The following IRF2BP1 variants were observed in gnomAD, a reference collection of about 807,000 sequenced individuals.
IRF2BP1 encodes interferon regulatory factor 2-binding protein 1.
In IRF2BP1, 9 loss-of-function variants were observed where a neutral mutation model predicts 38.6. The observed-to-expected ratio is 0.23, with a 90% CI of 0.14 to 0.41. The LOEUF is 0.41. Among genes scored for constraint, IRF2BP1 ranks in the 10% least tolerant of loss-of-function variants. The pLI is 1.00. For synonymous variants in IRF2BP1, 416 were observed against 383.4 expected, an observed-to-expected ratio of 1.08 and a Z score of -0.99; for missense variants, 631 against 829.6, an observed-to-expected ratio of 0.76 and a Z score of 2.94.
In IRF2BP1 at chr19:45,884,773, A is replaced by C; in HGVS notation, c.1002T>G (p.Leu334=). Residue 334 remains leucine (L), a synonymous_variant, in exon 1 of 1, where the codon CTT becomes CTG. Transcript: ENST00000302165. ...CGCGGAAGCTGCGGACGCCGTCGGT[A>C]AGCAGCTCGCCCAGCTGCCGCCATT... ...SGEWRQLGEL[L]TDGVRSFREP... 6.2e-7 allele frequency: 1 copy of C among 1,612,298 alleles called. No homozygotes were observed. The highest frequency in any genetic ancestry group is 1.1e-5 in the South Asian group (1 of 91,080).
At position 45,884,975 on chromosome 19, in the gene IRF2BP1, C is replaced by G; in HGVS notation, c.800G>C (p.Gly267Ala). ...GAAGAGCTTCAGCTCGAACTCGTATCCTGGAGGACGGGCAGTAGCATCGAA... is the reference window on the plus strand; with the variant it reads ...GAAGAGCTTCAGCTCGAACTCGTATGCTGGAGGACGGGCAGTAGCATCGAA... ...FAFDATARPPGYEFELKLFTE... is the reference protein window; with the variant it reads ...FAFDATARPPAYEFELKLFTE... The change falls in exon 1 of 1, where the codon GGA becomes GCA. Residue 267 changes from glycine to alanine, a missense_variant. Gly to Ala is a moderately conservative substitution (Grantham distance 60). Transcript: ENST00000302165. 1 of 1,613,506 alleles carries G rather than the reference C, an allele frequency of 6.2e-7. No individual in the cohort carries two copies. Among genetic ancestry groups the G allele is most frequent in the Non-Finnish European group, 8.5e-7 (1 of 1,180,052 alleles).
chr19:45,883,763 C>A lies in IRF2BP1; in HGVS notation c.*257G>T, dbSNP rs1967018421. ...GGGGCACCTCTCCCCCAACTACAAGCAGCAGCAAAGCCAAGCCAAGGAGGA... is the reference window on the plus strand; with the variant it reads ...GGGGCACCTCTCCCCCAACTACAAGAAGCAGCAAAGCCAAGCCAAGGAGGA... On this transcript the variant is annotated 3_prime_UTR_variant, in exon 1 of 1. Transcript: ENST00000302165. The A allele has an allele frequency of 2.5e-6, 1 of 393,876 alleles. No homozygotes were observed. The highest frequency in any genetic ancestry group is 4.5e-6 in the Non-Finnish European group (1 of 220,240). The allele number at this position is 393,876 out of a possible 1,614,324, so 24.4% of individuals were successfully genotyped here. A position where few individuals can be genotyped will look rare whatever the true frequency, so the allele number is the denominator to read the frequency against.
rs1233253484 is a variant in IRF2BP1 at position 45,885,327 on chromosome 19, C to T, written c.448G>A (p.Ala150Thr). The T allele has an allele frequency of 6.2e-7, 1 of 1,606,544 alleles. No individual in the cohort carries two copies. Among genetic ancestry groups the T allele is most frequent in the Non-Finnish European group, 8.5e-7 (1 of 1,179,776 alleles). ...LGREEAVAEG[A>T]RRALLGSMPG... Reference sequence around the variant, plus strand: ...ATGGAGCCAAGCAAGGCCCTTCGCGCCCCCTCAGCCACGGCCTCCTCACGG... The same window carrying T: ...ATGGAGCCAAGCAAGGCCCTTCGCGTCCCCTCAGCCACGGCCTCCTCACGG... The change falls in exon 1 of 1, where the codon GCG (alanine) becomes ACG (threonine). Residue 150 changes from alanine to threonine, a missense_variant. Physicochemically the swap from Ala to Thr is moderately conservative, Grantham distance 58. This residue lies in a region of IRF2BP1 where 206 missense variants were observed against 207.0 expected (regional missense o/e 1.00). Coordinates refer to ENST00000302165, the MANE Select transcript of IRF2BP1 (RefSeq NM_015649.3).
At position 45,885,894 on chromosome 19, in the gene IRF2BP1, C is replaced by G; in HGVS notation, c.-120G>C. On this transcript the variant is annotated 5_prime_UTR_variant, in exon 1 of 1. Transcript: ENST00000302165. ...GCGAGCCACGGTCCGGCCTCCGGCTCGGCCTCCCCGCCGGATCCAGGCCCG... is the reference window on the plus strand; with the variant it reads ...GCGAGCCACGGTCCGGCCTCCGGCTGGGCCTCCCCGCCGGATCCAGGCCCG... The G allele has an allele frequency of 8.3e-7, 1 of 1,201,100 alleles. No homozygotes were observed. The highest frequency in any genetic ancestry group is 1.9e-5 in the South Asian group (1 of 53,564). 74.4% of individuals were successfully genotyped at this position (1,201,100 alleles called of 1,614,324 possible). A position where few individuals can be genotyped will look rare whatever the true frequency, so the allele number is the denominator to read the frequency against.
Position 45,885,175 on chromosome 19 carries a change from C to A in IRF2BP1, c.600G>T (p.Lys200Asn), listed in dbSNP as rs1267351537. Residue 200 changes from lysine to asparagine, a missense_variant, in exon 1 of 1, where the codon AAG becomes AAT. This residue lies in a region of IRF2BP1 where 133 missense variants were observed against 232.2 expected (regional missense o/e 0.57). Coordinates refer to ENST00000302165, the MANE Select transcript of IRF2BP1 (RefSeq NM_015649.3). ...PLFGSDFEKE[K>N]QQRNADCLAE... ...CCAGACAGTCCGCATTCCTCTGCTG[C>A]TTCTCTTTCTCGAAATCGGAGCCGA... is the stretch of plus-strand genomic sequence containing the variant. 4.3e-6 allele frequency: 7 copies of A among 1,609,848 alleles called. No individual in the cohort carries two copies. Among genetic ancestry groups the A allele is most frequent in the Non-Finnish European group, 5.9e-6 (7 of 1,180,042 alleles).
rs1967041143 is a variant in IRF2BP1 at position 45,885,363 on chromosome 19, T to C, written c.412A>G (p.Asn138Asp). The change falls in exon 1 of 1, where the codon AAT (asparagine) becomes GAT (aspartate). Residue 138 changes from asparagine (N) to aspartate (D), a missense_variant. Asn to Asp is a conservative substitution (Grantham distance 23, BLOSUM62 1). Coordinates refer to ENST00000302165, the MANE Select transcript of IRF2BP1 (RefSeq NM_015649.3). ...LEYTLGSRLA[N>D]GLGREEAVAE... ...ACGGCCTCCTCACGGCCCAGCCCATTGGCCAGGCGGGACCCCAGAGTGTAC... is the reference window on the plus strand; with the variant it reads ...ACGGCCTCCTCACGGCCCAGCCCATCGGCCAGGCGGGACCCCAGAGTGTAC... 6.2e-7 allele frequency: 1 copy of C among 1,608,926 alleles called. No homozygotes were observed. The highest frequency in any genetic ancestry group is 8.5e-7 in the Non-Finnish European group (1 of 1,179,518).
chr19:45,884,379 G>A lies in IRF2BP1; in HGVS notation c.1396C>T (p.His466Tyr). ...TCGCCGTTGCGGGCCACAAGGCGAT[G>A]CTGGGTTGGCGGCTGGGCCGTGGAG... ...ASSTAQPPTQ[H>Y]RLVARNGEAE... The change falls in exon 1 of 1, where the codon CAT (histidine) becomes TAT (tyrosine). Residue 466 changes from histidine to tyrosine, a missense_variant. Physicochemically the swap from His to Tyr is moderately conservative, Grantham distance 83. Transcript: ENST00000302165. 1.2e-6 allele frequency: 2 copies of A among 1,606,138 alleles called. No homozygotes were observed. The highest frequency in any genetic ancestry group is 1.7e-6 in the Non-Finnish European group (2 of 1,178,864).
chr19:45,884,693 G>A lies in IRF2BP1; in HGVS notation c.1082C>T (p.Ala361Val), dbSNP rs763589598. 8 of 1,606,240 alleles carry A rather than the reference G, an allele frequency of 5.0e-6. No individual in the cohort carries two copies. The African/African-American group carries it at 9.4e-5, about 19-fold the overall frequency. The change falls in exon 1 of 1, where the codon GCT becomes GTT. Residue 361 changes from alanine to valine, a missense_variant. Ala to Val is a moderately conservative substitution (Grantham distance 64). Coordinates refer to ENST00000302165, the MANE Select transcript of IRF2BP1 (RefSeq NM_015649.3). ...PQQYPEPAPA[A>V]LCGPPPRAPS... ...GGCTCGCGGGGGTGGGCCACAGAGA[G>A]CCGCAGGGGCCGGCTCTGGGTACTG...
chr19:45,885,120 C>T lies in IRF2BP1; in HGVS notation c.655G>A (p.Ala219Thr), dbSNP rs761022418. Residue 219 changes from alanine (A) to threonine (T), a missense_variant, in exon 1 of 1, where the codon GCA becomes ACA. Coordinates refer to ENST00000302165, the MANE Select transcript of IRF2BP1 (RefSeq NM_015649.3). ...AELNEAMRGR[A>T]EEWHGRPKAV... The stretch of plus-strand genomic sequence containing the variant: ...TTGGGGCGCCCGTGCCATTCCTCTG[C>T]CCGGCCTCGCATGGCCTCGTTCAGT... 5.0e-6 allele frequency: 8 copies of T among 1,611,470 alleles called. No homozygotes were observed. Among genetic ancestry groups the T allele is most frequent in the Non-Finnish European group, 5.1e-6 (6 of 1,180,026 alleles).
rs532190191 is a variant in IRF2BP1 at position 45,885,480 on chromosome 19, G to C, written c.295C>G (p.Pro99Ala). ...QLPPPQAQPQ[P>A]SGTGGGVSGQ... ...GACACGCCGCCGCCGGTCCCTGACG[G>C]CTGGGGCTGGGCCTGCGGGGGCGGC... The change falls in exon 1 of 1, where the codon CCG (proline) becomes GCG (alanine). Residue 99 changes from proline (P) to alanine (A), a missense_variant. Around this residue, in one of 5 missense-constraint regions of IRF2BP1, gnomAD observed 206 missense variants for 207.0 expected, o/e 1.00. Coordinates refer to ENST00000302165, the MANE Select transcript of IRF2BP1 (RefSeq NM_015649.3). 6.9e-5 allele frequency: 102 copies of C among 1,472,390 alleles called. No individual in the cohort carries two copies. The South Asian group carries it at 1.3e-3, about 19-fold the overall frequency. 91.2% of individuals were successfully genotyped at this position (1,472,390 alleles called of 1,614,324 possible). A position where few individuals can be genotyped will look rare whatever the true frequency, so the allele number is the denominator to read the frequency against.
In IRF2BP1 at chr19:45,885,443, C is replaced by T. The variant is rs1460861824; in HGVS notation, c.332G>A (p.Arg111His). ...GCCTGATGATGTGGCCCTGTCATAG[C>T]GGTCCTGGCCCGACACGCCGCCGCC... ...GTGGGVSGQD[R>H]YDRATSSGRL... The change falls in exon 1 of 1, where the codon CGC (arginine) becomes CAC (histidine). Residue 111 changes from arginine to histidine, a missense_variant. Arg to His is a conservative substitution (Grantham distance 29, BLOSUM62 0). Around this residue, in one of 5 missense-constraint regions of IRF2BP1, gnomAD observed 206 missense variants for 207.0 expected, o/e 1.00. Coordinates refer to ENST00000302165, the MANE Select transcript of IRF2BP1 (RefSeq NM_015649.3). The T allele has an allele frequency of 6.6e-6, 10 of 1,517,386 alleles. No individual in the cohort carries two copies. The highest frequency in any genetic ancestry group is 1.4e-5 in the African/African-American group (1 of 72,542). The allele number at this position is 1,517,386 out of a possible 1,614,324, so 94.0% of individuals were successfully genotyped here. A position where few individuals can be genotyped will look rare whatever the true frequency, so the allele number is the denominator to read the frequency against.
In IRF2BP1 at chr19:45,884,313, C is replaced by T. The variant is rs773353053; in HGVS notation, c.1462G>A (p.Gly488Arg). 6.2e-7 allele frequency: 1 copy of T among 1,610,370 alleles called. No individual in the cohort carries two copies. The highest frequency in any genetic ancestry group is 2.2e-5 in the East Asian group (1 of 44,830). The change falls in exon 1 of 1, where the codon GGG (glycine) becomes AGG (arginine). Residue 488 changes from glycine (G) to arginine (R), a missense_variant. Physicochemically the swap from Gly to Arg is moderately radical, Grantham distance 125. Around this residue, in one of 5 missense-constraint regions of IRF2BP1, gnomAD observed 201 missense variants for 215.3 expected, o/e 0.93. Transcript: ENST00000302165. ...GTCGCCCCAGTGCCGCTGCCACCCC[C>T]GCTGACAGCTTCGGCCCCCGCTGTG... ...SPTAGAEAVS[G>R]GGSGTGATPG...
rs1381617396 is a variant in IRF2BP1 at position 45,885,753 on chromosome 19, G to GGGACGCCTGCAC, written c.10_21dup (p.Val4_Ser7dup). ...TCGCACAGGTAGCACCACTGGCGGC[G>GGGACGCCTGCAC]GGACGCCTGCACAGACGCCATGGCC... On this transcript the variant is annotated inframe_insertion, in exon 1 of 1. Coordinates refer to ENST00000302165, the MANE Select transcript of IRF2BP1 (RefSeq NM_015649.3). The GGGACGCCTGCAC allele has an allele frequency of 1.3e-6, 2 of 1,579,070 alleles. No individual in the cohort carries two copies. The highest frequency in any genetic ancestry group is 1.7e-6 in the Non-Finnish European group (2 of 1,171,772).
In IRF2BP1 at chr19:45,884,682, G is replaced by T; in HGVS notation, c.1093C>A (p.Pro365Thr). Residue 365 changes from proline (P) to threonine (T), a missense_variant, in exon 1 of 1, where the codon CCA (proline) becomes ACA (threonine). Physicochemically the swap from Pro to Thr is conservative, Grantham distance 38. Transcript: ENST00000302165. ...PEPAPAALCG[P>T]PPRAPSRNLA... ...TTCCGGGATGGGGCTCGCGGGGGTG[G>T]GCCACAGAGAGCCGCAGGGGCCGGC... is the stretch of plus-strand genomic sequence containing the variant. 1 of 1,604,944 alleles carries T rather than the reference G, an allele frequency of 6.2e-7. No individual in the cohort carries two copies. The highest frequency in any genetic ancestry group is 1.1e-5 in the South Asian group (1 of 90,798).
chr19:45,884,078 C>T lies in IRF2BP1; in HGVS notation c.1697G>A (p.Gly566Asp). 1 of 1,608,764 alleles carries T rather than the reference C, an allele frequency of 6.2e-7. No individual in the cohort carries two copies. Among genetic ancestry groups the T allele is most frequent in the Non-Finnish European group, 8.5e-7 (1 of 1,176,600 alleles). ...GSSVPWAFMQ[G>D]EIATILAGDI... The stretch of plus-strand genomic sequence containing the variant: ...TCCAGCAAGGATGGTGGCGATCTCG[C>T]CCTGCATGAAGGCCCAGGGCACGGA... The change falls in exon 1 of 1, where the codon GGC (glycine) becomes GAC (aspartate). Residue 566 changes from glycine to aspartate, a missense_variant. Gly to Asp is a moderately conservative substitution (Grantham distance 94, BLOSUM62 -1). This residue lies in a region of IRF2BP1 where 58 missense variants were observed against 108.4 expected (regional missense o/e 0.54). Transcript: ENST00000302165.
Position 45,884,506 on chromosome 19 carries a change from A to T in IRF2BP1, c.1269T>A (p.Ile423=), listed in dbSNP as rs1341274677. 1 of 1,600,304 alleles carries T rather than the reference A, an allele frequency of 6.2e-7. No individual in the cohort carries two copies. Among genetic ancestry groups the T allele is most frequent in the South Asian group, 1.1e-5 (1 of 91,062 alleles). The change falls in exon 1 of 1, where the codon ATT becomes ATA. Residue 423 remains isoleucine, a synonymous_variant. Coordinates refer to ENST00000302165, the MANE Select transcript of IRF2BP1 (RefSeq NM_015649.3). ...CTTCGGCCACATTCTTCAGGGCGGCAATGGGCGAGGGCACACCAGGGGTCT... is the reference window on the plus strand; with the variant it reads ...CTTCGGCCACATTCTTCAGGGCGGCTATGGGCGAGGGCACACCAGGGGTCT... ...SAETPGVPSP[I]AALKNVAEAL... is the part of the protein sequence containing the mutation.
In IRF2BP1 at chr19:45,883,952, A is replaced by G; in HGVS notation, c.*68T>C. ...TGGCACTGGGCTGGGTCGGGGAGGGAATAATTTATCCGCGGCAGCGGTGGG... is the reference window on the plus strand; with the variant it reads ...TGGCACTGGGCTGGGTCGGGGAGGGGATAATTTATCCGCGGCAGCGGTGGG... On this transcript the variant is annotated 3_prime_UTR_variant, in exon 1 of 1. Transcript: ENST00000302165. The G allele has an allele frequency of 7.1e-7, 1 of 1,417,576 alleles. No individual in the cohort carries two copies. The highest frequency in any genetic ancestry group is 2.6e-5 in the Admixed American group (1 of 38,534). The allele number at this position is 1,417,576 out of a possible 1,614,324, so 87.8% of individuals were successfully genotyped here. A position where few individuals can be genotyped will look rare whatever the true frequency, so the allele number is the denominator to read the frequency against.
chr19:45,883,971 C>T lies in IRF2BP1; in HGVS notation c.*49G>A, dbSNP rs777257524. ...GGAGGGAATAATTTATCCGCGGCAG[C>T]GGTGGGTGGCAAAGGGGCAGAGGGC... On this transcript the variant is annotated 3_prime_UTR_variant, in exon 1 of 1. Transcript: ENST00000302165. 13 of 1,478,274 alleles carry T rather than the reference C, an allele frequency of 8.8e-6. No homozygotes were observed. In the African/African-American group the frequency reaches 1.7e-4, roughly 19 times the overall value. 91.6% of individuals were successfully genotyped at this position (1,478,274 alleles called of 1,614,324 possible).
At position 45,885,502 on chromosome 19, in the gene IRF2BP1, C is replaced by T; in HGVS notation, c.273G>A (p.Pro91=). Residue 91 remains proline, a synonymous_variant, in exon 1 of 1, where the codon CCG becomes CCA. Coordinates refer to ENST00000302165, the MANE Select transcript of IRF2BP1 (RefSeq NM_015649.3). ...ACGGCTGGGGCTGGGCCTGCGGGGG[C>T]GGCAGCTGGGGCCCCTGTGCGGCTG... The part of the protein sequence containing the change: ...AAAAAQGPQL[P]PPQAQPQPSG... 1 of 1,435,770 alleles carries T rather than the reference C, an allele frequency of 7.0e-7. No homozygotes were observed. Among genetic ancestry groups the T allele is most frequent in the African/African-American group, 1.5e-5 (1 of 68,058 alleles). 88.9% of individuals were successfully genotyped at this position (1,435,770 alleles called of 1,614,324 possible).
Sources: gnomAD v4.1 joint callset for allele counts on GRCh38, gnomAD v4.1.1 for gene constraint, gnomAD v4.1.1 regional missense constraint, MANE v1.5 for transcripts, NCBI Gene and HGNC (gene_info 2026-07-23, HGNC 2026-07-21) for gene names.